The following ACO2 variants were observed in gnomAD, a reference collection of about 807,000 sequenced individuals.
ACO2 encodes aconitate hydratase, mitochondrial.
A neutral mutation model predicts 84.5 loss-of-function variants in ACO2; 31 were observed. That is an observed-to-expected ratio of 0.37 (90% CI 0.28 to 0.50). The LOEUF is 0.50. Ranked by LOEUF, ACO2 falls within the 20% of genes least tolerant of loss-of-function variation. The pLI is 0.97. For synonymous variants in ACO2, 414 were observed against 412.7 expected, an observed-to-expected ratio of 1.00 and a Z score of -0.04; for missense variants, 685 against 1,029.3, an observed-to-expected ratio of 0.67 and a Z score of 4.58.
chr22:41,524,932 G>A lies in ACO2; in HGVS notation c.1569G>A (p.Arg523=). The change falls in exon 13 of 18, where the codon AGG becomes AGA. Residue 523 remains arginine (R), a synonymous_variant. Coordinates refer to ENST00000216254, the MANE Select transcript of ACO2 (RefSeq NM_001098.3). ...CGGGCACGGATGGCAAGAAGTTCAG[G>A]CTGGAGGCTCCGGATGCAGATGAGC... ...YLTGTDGKKF[R]LEAPDADELP... 1 of 1,614,220 alleles carries A rather than the reference G, an allele frequency of 6.2e-7. No homozygotes were observed. Among genetic ancestry groups the A allele is most frequent in the Non-Finnish European group, 8.5e-7 (1 of 1,180,046 alleles).
chr22:41,481,562 C>G (rs528499958), intron 1 of ACO2, among the ~76,000 whole-genome samples: 1 of 152,340 alleles, frequency 6.6e-6, no homozygotes, highest in South Asian at 2.1e-4. Flanking sequence ...AAGGGAAGAC[C>G]TCCGACCTCC....
chr22:41,524,088 G>T lies in ACO2; in HGVS notation c.1482+147G>T, dbSNP rs951512459. 68 of 673,264 alleles carry T rather than the reference G, an allele frequency of 1.0e-4. No homozygotes were observed. The African/African-American group carries it at 1.1e-3, about 10-fold the overall frequency. The allele number at this position is 673,264 out of a possible 1,614,324, so 41.7% of individuals were successfully genotyped here. ...CTTCCCAGCCTCAGGCGCATGCTTG[G>T]TGCTTCCTGCCTGGGGCTCCCTGGG... On this transcript the variant is annotated intron_variant, in intron 12 of 17. Coordinates refer to ENST00000216254, the MANE Select transcript of ACO2 (RefSeq NM_001098.3).
At position 41,520,079 on chromosome 22, in the gene ACO2, G is replaced by A. The variant is rs142378593; in HGVS notation, c.1033-92G>A. ...TCAAGAGAAAGTCGTTGGCCTCTCT[G>A]TGGGGACGTGGTGAGGCAGTGAAAG... On this transcript the variant is annotated intron_variant, in intron 8 of 17. Transcript: ENST00000216254. The A allele has an allele frequency of 1.2e-4, 136 of 1,132,448 alleles. 1 individual carries two copies. The Middle Eastern group carries it at 3.2e-3, about 27-fold the overall frequency. 70.1% of individuals were successfully genotyped at this position (1,132,448 alleles called of 1,614,324 possible).
intron 4 of ACO2, chr22:41,512,298 TTTTG>T (rs1445551114): frequency 8.5e-6 from 2 of 234,408 alleles, no homozygotes; most frequent in Non-Finnish European, 1.7e-5. Flanking sequence ...CATGGTATTA[TTTTG>T]TTTTTTTTCA....
chr22:41,524,379 T>C (rs377629109), intron 12 of ACO2, among the ~76,000 whole-genome samples: 23 of 152,232 alleles, frequency 1.5e-4, no homozygotes, highest in African/African-American at 5.3e-4. Flanking sequence ...GCCTTGCCCT[T>C]GGCGGTATTC....
In ACO2 at chr22:41,528,753, GAGT is replaced by G; in HGVS notation, c.*141_*143del. The G allele has an allele frequency of 8.0e-7, 1 of 1,255,286 alleles. No individual in the cohort carries two copies. The highest frequency in any genetic ancestry group is 1.6e-5 in the South Asian group (1 of 64,386). 77.8% of individuals were successfully genotyped at this position (1,255,286 alleles called of 1,614,324 possible). Reference sequence around the variant, plus strand: ...CTTCCTGCTCCCCGCTTAGCCCACGGAGTGACTGTGGTTGTGGTGGGGGGGTTC... The same window carrying G: ...CTTCCTGCTCCCCGCTTAGCCCACGGGACTGTGGTTGTGGTGGGGGGGTTC... On this transcript the variant is annotated 3_prime_UTR_variant, in exon 18 of 18. Coordinates refer to ENST00000216254, the MANE Select transcript of ACO2 (RefSeq NM_001098.3).
chr22:41,502,854 C>A (rs893154350), intron 2 of ACO2, among the ~76,000 whole-genome samples: 5 of 152,160 alleles, frequency 3.3e-5, no homozygotes, highest in African/African-American at 1.2e-4. Flanking sequence ...AAGTGATCCA[C>A]CTGTCTCAGC....
chr22:41,516,330 G>A lies in ACO2; in HGVS notation c.835+413G>A, dbSNP rs565807770. On this transcript the variant is annotated intron_variant, in intron 6 of 17. Coordinates refer to ENST00000216254, the MANE Select transcript of ACO2 (RefSeq NM_001098.3). ...AGCTGCAGGCCCACATCCTCCCTTC[G>A]CTGAAGTTCGAGCCTCACTCACTTC... Among the ~76,000 whole-genome samples, 12 of 152,326 alleles carry A rather than the reference G, an allele frequency of 7.9e-5. 1 individual carries two copies. The South Asian group carries it at 1.0e-3, about 13-fold the overall frequency.
intron 8 of ACO2, among the ~76,000 whole-genome samples, chr22:41,518,932 C>T (rs371309611): frequency 5.9e-5 from 9 of 152,124 alleles, no homozygotes; most frequent in East Asian, 3.8e-4. Flanking sequence ...GGCGACAGAG[C>T]GACACTGTCT....
intron 1 of ACO2, among the ~76,000 whole-genome samples, chr22:41,470,305 G>T (rs1302970061): frequency 1.3e-5 from 2 of 152,182 alleles, no homozygotes. Context: ...TTTGATAATA[G>T]AATTTTACGA....
chr22:41,471,088 C>A (rs189042554), intron 1 of ACO2, among the ~76,000 whole-genome samples: 1 of 73,726 alleles, frequency 1.4e-5, no homozygotes, highest in East Asian at 8.1e-4. Flanking sequence ...GAGTAAGTTA[C>A]TTCCTGAATC....
At chr22:41,502,483 T>G (rs2066360241) in intron 2 of ACO2, among the ~76,000 whole-genome samples, 1 of 152,238 alleles carries the variant, frequency 6.6e-6, no homozygotes, top group Non-Finnish European at 1.5e-5. Context: ...TTGTATTTAT[T>G]CTTGGAGCTC....
intron 1 of ACO2, among the ~76,000 whole-genome samples, chr22:41,498,895 A>G (rs1238250554): frequency 2.0e-5 from 3 of 151,972 alleles, no homozygotes; most frequent in Non-Finnish European, 4.4e-5. Flanking sequence ...GGAGTTTGAG[A>G]CCAGCCTGGC....
chr22:41,520,574 G>A (rs1425805320), intron 9 of ACO2, among the ~76,000 whole-genome samples: 1 of 151,986 alleles, frequency 6.6e-6, no homozygotes, highest in African/African-American at 2.4e-5. Context: ...CAGGGGCAGT[G>A]GCTCACACCT....
intron 3 of ACO2, among the ~76,000 whole-genome samples, chr22:41,509,602 T>A (rs1316906195): frequency 1.3e-5 from 2 of 152,046 alleles, no homozygotes; most frequent in African/African-American, 4.8e-5. Flanking sequence ...AAGAACATGC[T>A]AGAAAGAACA....
intron 2 of ACO2, among the ~76,000 whole-genome samples, chr22:41,505,179 G>A (rs1180792286): frequency 6.6e-6 from 1 of 152,050 alleles, no homozygotes; most frequent in Admixed American, 6.6e-5. Context: ...AGCTCTTCGG[G>A]AAGATCATGT....
rs203319 is a variant in ACO2, at chr22:41,518,589, C to G, written c.1032+17C>G. ...CTCAGTGAGGTGAGGAGACAATTAA[C>G]TGGGTTCAAGAAGTTTCTGAGAGTA... On this transcript the variant is annotated intron_variant, in intron 8 of 17. Transcript: ENST00000216254. The G allele has an allele frequency of 2.5e-6, 4 of 1,597,934 alleles. No homozygotes were observed. The highest frequency in any genetic ancestry group is 1.1e-5 in the South Asian group (1 of 90,760).
chr22:41,516,684 G>A (rs1014471470), intron 6 of ACO2, among the ~76,000 whole-genome samples: 7 of 152,274 alleles, frequency 4.6e-5, no homozygotes, highest in Admixed American at 2.6e-4. Context: ...GTTCTGTGAC[G>A]CTTTGTGGTC....
At chr22:41,507,385 G>A (rs922806553) in intron 2 of ACO2, among the ~76,000 whole-genome samples, 1 of 152,130 alleles carries the variant, frequency 6.6e-6, no homozygotes, top group African/African-American at 2.4e-5. Flanking sequence ...TCACTCTCCT[G>A]AGCCTGTTTC....
Sources: allele counts gnomAD v4.1 joint callset (sites outside exome capture counted in the v4.1 genomes callset), GRCh38; gene constraint gnomAD v4.1.1; transcripts MANE v1.5; gene names NCBI Gene and HGNC (gene_info 2026-07-23, HGNC 2026-07-21).